Variants in TBP observed in about 807,000 individuals in gnomAD.
TBP encodes TATA-box-binding protein.
A neutral mutation model predicts 46.2 loss-of-function variants in TBP; 12 were observed. That is an observed-to-expected ratio of 0.26 (90% confidence interval 0.17 to 0.42). TBP has a LOEUF of 0.42. TBP is among the 10% of genes least tolerant of loss of function. The pLI is 1.00. For synonymous variants in TBP, 157 were observed against 148.3 expected (o/e 1.06, Z -0.42); for missense variants, 229 against 403.1 (o/e 0.57, Z 3.70).
Position 170,561,945 on chromosome 6 carries a change from A to AGCT in TBP, c.211_212insTGC (p.Gln70_Gln71insLeu), listed in dbSNP as rs1416336210. The AGCT allele has an allele frequency of 1.3e-6, 2 of 1,580,628 alleles. No individual in the cohort carries two copies. The highest frequency in any genetic ancestry group is 1.7e-6 in the Non-Finnish European group (2 of 1,169,080). On this transcript the variant is annotated inframe_insertion, in exon 3 of 8. Coordinates refer to ENST00000392092, the MANE Select transcript of TBP (RefSeq NM_003194.5). ...CAACAACAGCAGCAGCAGCAGCAGC[A>AGCT]GCAGCAACAGCAACAGCAGCAGCAG...
At chr6:170,571,957 T>C (rs112036086) in intron 7 of TBP, among the ~76,000 whole-genome samples, 3 of 151,930 alleles carry the variant, frequency 2.0e-5, no homozygotes, top group African/African-American at 7.2e-5. Flanking sequence ...TCTTGAGCTA[T>C]AGAATGAGAC....
intron 3 of TBP, among the ~76,000 whole-genome samples, chr6:170,562,990 A>G (rs1187267600): frequency 6.6e-6 from 1 of 152,064 alleles, no homozygotes; most frequent in Non-Finnish European, 1.5e-5. Flanking sequence ...TGTTACATAT[A>G]TGGTTGTTGT....
intron 5 of TBP, 42 bp from the exon 6 acceptor site, chr6:170,569,570 C>G (rs754420055): frequency 7.6e-6 from 12 of 1,571,248 alleles, no homozygotes; most frequent in Non-Finnish European, 1.0e-5. Context: ...AGTATTTTAG[C>G]TGGCTCTGAG....
intron 4 of TBP, among the ~76,000 whole-genome samples, chr6:170,565,825 C>T (rs1296904180): frequency 6.6e-6 from 1 of 152,158 alleles, no homozygotes; most frequent in Admixed American, 6.5e-5. Flanking sequence ...GTAATTCCAG[C>T]ACTTTGGGAG....
At chr6:170,554,896 G>C (rs752623430) in intron 1 of TBP, among the ~76,000 whole-genome samples, 2 of 152,140 alleles carry the variant, frequency 1.3e-5, no homozygotes, top group African/African-American at 4.8e-5. Flanking sequence ...TGAGACAGCG[G>C]GCACGGTAGC....
At chr6:170,556,410 A>G (rs547117388) in intron 1 of TBP, among the ~76,000 whole-genome samples, 1 of 151,976 alleles carries the variant, frequency 6.6e-6, no homozygotes, top group African/African-American at 2.4e-5. Flanking sequence ...TTGATAAATG[A>G]TCACTCTGAA....
Position 170,562,099 on chromosome 6 carries a change from C to T in TBP, c.363C>T (p.Leu121=), listed in dbSNP as rs1266542117. Residue 121 remains leucine, a synonymous_variant, in exon 3 of 8, where the codon CTC becomes CTT. Transcript: ENST00000392092. ...TQGTSGQAPQ[L]FHSQTLTTAP... ...GAACCTCAGGCCAGGCACCACAGCT[C>T]TTCCACTCACAGACTCTCACAACTG... The T allele has an allele frequency of 1.2e-6, 2 of 1,614,184 alleles. No homozygotes were observed. The highest frequency in any genetic ancestry group is 1.7e-6 in the Non-Finnish European group (2 of 1,180,032).
intron 1 of TBP, 187 bp downstream of exon 1, chr6:170,554,650 C>T (rs541392491): frequency 6.5e-5 from 10 of 152,760 alleles, no homozygotes; most frequent in Non-Finnish European, 5.9e-5. Flanking sequence ...CGCCTGGTGC[C>T]CTACTCTGCT....
intron 4 of TBP, among the ~76,000 whole-genome samples, chr6:170,565,131 T>G (rs1332733826): frequency 6.6e-6 from 1 of 152,182 alleles, no homozygotes; most frequent in African/African-American, 2.4e-5. Flanking sequence ...CATTCCAGCC[T>G]GGCAACAGAG....
chr6:170,567,049 G>A (rs1779266350), intron 5 of TBP, 40 bp downstream of exon 5: 1 of 1,541,638 alleles, frequency 6.5e-7, no homozygotes, highest in African/African-American at 1.4e-5. Flanking sequence ...TATGGGTTAT[G>A]AATGAAAAGG....
At chr6:170,571,880 TATC>T (rs1326043360) in intron 7 of TBP, among the ~76,000 whole-genome samples, 10 of 151,910 alleles carry the variant, frequency 6.6e-5, no homozygotes, top group Admixed American at 6.6e-4. Context: ...ATTCAGTTGT[TATC>T]ATTGCCGTCC....
At chr6:170,566,497 GA>G (rs1288827498) in intron 4 of TBP, among the ~76,000 whole-genome samples, 5 of 152,182 alleles carry the variant, frequency 3.3e-5, no homozygotes, top group African/African-American at 1.2e-4. Context: ...CATTAAGGTA[GA>G]AAAGGTTTAT....
chr6:170,564,743 A>T (rs1779212360), intron 4 of TBP, 111 bp downstream of exon 4: 1 of 600,562 alleles, frequency 1.7e-6, no homozygotes, highest in Non-Finnish European at 2.6e-6. Flanking sequence ...AGATCAGGCC[A>T]GGCACAGTGG....
intron 7 of TBP, 116 bp from the exon 8 acceptor site, chr6:170,572,070 T>A: frequency 2.5e-6 from 2 of 789,388 alleles, no homozygotes; most frequent in African/African-American, 1.7e-5. Context: ...TGTGCCTTAA[T>A]CTGACTGGGT....
rs766596848 is a variant in TBP at position 170,566,909 on chromosome 6, C to T, written c.586-9C>T. 2.5e-6 allele frequency: 4 copies of T among 1,611,532 alleles called. No individual in the cohort carries two copies. In the South Asian group the frequency reaches 3.3e-5, roughly 13 times the overall value. On this transcript the variant is annotated splice_polypyrimidine_tract_variant and intron_variant, in intron 4 of 7. Transcript: ENST00000392092. ...TGACCTCACTAATGATTCTCTCTGA[C>T]CATTGTAGCGGTTTGCTGCGGTAAT...
chr6:170,556,221 G>T (rs1293676061), intron 1 of TBP, among the ~76,000 whole-genome samples: 1 of 152,168 alleles, frequency 6.6e-6, no homozygotes, highest in Non-Finnish European at 1.5e-5. Context: ...AGAATATGTT[G>T]TTATAAACTC....
chr6:170,565,943 A>G (rs937819220), intron 4 of TBP, among the ~76,000 whole-genome samples: 1 of 152,070 alleles, frequency 6.6e-6, no homozygotes, highest in Non-Finnish European at 1.5e-5. Flanking sequence ...GGTTGGTGGC[A>G]CACACCTATA....
chr6:170,555,502 T>C (rs7760641), intron 1 of TBP, among the ~76,000 whole-genome samples: 89,208 of 152,082 alleles, frequency 0.59, 27,391 homozygotes, highest in East Asian at 0.79. Context: ...CTAAGCTTGT[T>C]GCCTGCATAC....
Position 170,562,102 on chromosome 6 carries a change from C to A in TBP, c.366C>A (p.Phe122Leu). 6.2e-7 allele frequency: 1 copy of A among 1,614,168 alleles called. No individual in the cohort carries two copies. The highest frequency in any genetic ancestry group is 2.2e-5 in the East Asian group (1 of 44,888). ...CCTCAGGCCAGGCACCACAGCTCTT[C>A]CACTCACAGACTCTCACAACTGCAC... ...QGTSGQAPQL[F>L]HSQTLTTAPL... The change falls in exon 3 of 8, where the codon TTC becomes TTA. Residue 122 changes from phenylalanine to leucine, a missense_variant. By Grantham distance (22) the Phe-to-Leu change is conservative (BLOSUM62 0). Around this residue, in one of 4 missense-constraint regions of TBP, gnomAD observed 69 missense variants for 66.2 expected, o/e 1.04. Coordinates refer to ENST00000392092, the MANE Select transcript of TBP (RefSeq NM_003194.5).
Sources: allele counts gnomAD v4.1 joint callset (sites outside exome capture counted in the v4.1 genomes callset), GRCh38; gene constraint gnomAD v4.1.1; regional missense constraint gnomAD v4.1.1; transcripts MANE v1.5; gene names NCBI Gene and HGNC (gene_info 2026-07-23, HGNC 2026-07-21).